The following KMT2C variants were observed in gnomAD, a reference collection of about 807,000 sequenced individuals.
KMT2C encodes the protein lysine methyltransferase 2C, also known as histone-lysine N-methyltransferase 2C.
KMT2C carries 88 observed loss-of-function variants against 507.9 expected under a neutral mutation model. That is an observed-to-expected ratio of 0.17 (90% CI 0.15 to 0.21). The LOEUF (loss-of-function observed/expected upper bound fraction) is 0.21, where lower values mean the gene tolerates loss of function less well. Among genes scored for constraint, KMT2C ranks in the 10% least tolerant of loss-of-function variants. The pLI is 1.00. For synonymous variants in KMT2C, 2,049 were observed against 2,080.8 expected, an observed-to-expected ratio of 0.98 and a Z score of 0.42; for missense variants, 4,954 against 5,957.8, an observed-to-expected ratio of 0.83 and a Z score of 5.55.
intron 6 of KMT2C, among the ~76,000 whole-genome samples, chr7:152,282,955 A>G (rs1474259687): frequency 6.6e-6 from 1 of 152,108 alleles, no homozygotes; most frequent in African/African-American, 2.4e-5. Flanking sequence ...TTCTCACATG[A>G]AATTCTATAT....
intron 2 of KMT2C, among the ~76,000 whole-genome samples, chr7:152,337,814 AT>A (rs1297218872): frequency 6.6e-6 from 1 of 151,632 alleles, no homozygotes; most frequent in Non-Finnish European, 1.5e-5. Context: ...TTCACACACT[AT>A]AGTCTATGGA....
chr7:152,379,557 A>C (rs2097354257), intron 1 of KMT2C, among the ~76,000 whole-genome samples: 2 of 150,998 alleles, frequency 1.3e-5, no homozygotes, highest in African/African-American at 2.4e-5. Flanking sequence ...AACAAACAAA[A>C]ATGGACAAAG....
chr7:152,409,340 G>A (rs59257544), intron 1 of KMT2C, among the ~76,000 whole-genome samples: 6 of 151,772 alleles, frequency 4.0e-5, no homozygotes, highest in East Asian at 3.9e-4. Flanking sequence ...TATTTGCTAC[G>A]TAATAGTTAT....
In KMT2C at chr7:152,176,303, T is replaced by C. The variant is rs190801251; in HGVS notation, c.9150A>G (p.Glu3050=). The change falls in exon 38 of 59, where the codon GAA becomes GAG. Residue 3050 remains glutamate, a synonymous_variant. Transcript: ENST00000262189. ...AAAGATCCTGTAGAAGTAGAGGCTG[T>C]TCTTCTAGAAGAAGGGGCCTCTCTC... The part of the protein sequence containing the change: ...QNRERPLLLE[E]QPLLLQDLLD... The C allele has an allele frequency of 8.7e-4, 1,412 of 1,614,146 alleles. 6 individuals carry two copies. The African/African-American group carries it at 0.016, about 19-fold the overall frequency.
chr7:152,367,867 A>AGG, intron 1 of KMT2C: 2 of 1,056,900 alleles, frequency 1.9e-6, no homozygotes, highest in Non-Finnish European at 3.0e-6. Context: ...CATGAACTTA[A>AGG]ACCATTGGAT....
chr7:152,175,540 T>G (rs981539994), intron 38 of KMT2C, among the ~76,000 whole-genome samples: 2 of 147,838 alleles, frequency 1.4e-5, no homozygotes, highest in Non-Finnish European at 3.0e-5. Flanking sequence ...ACTGTTCAAC[T>G]CCCACTTATG....
chr7:152,190,948 C>G (rs945814451), intron 31 of KMT2C, among the ~76,000 whole-genome samples: 2 of 152,202 alleles, frequency 1.3e-5, no homozygotes, highest in Non-Finnish European at 2.9e-5. Flanking sequence ...TCCTATACCT[C>G]TCACTCAATG....
At chr7:152,291,909 G>A (rs1029311160) in intron 6 of KMT2C, among the ~76,000 whole-genome samples, 17 of 152,086 alleles carry the variant, frequency 1.1e-4, no homozygotes, top group Non-Finnish European at 2.4e-4. Context: ...ATTAACTACT[G>A]TTGGTAATGG....
chr7:152,275,722 G>A (rs1256949260), intron 6 of KMT2C, among the ~76,000 whole-genome samples: 4 of 152,024 alleles, frequency 2.6e-5, no homozygotes, highest in Middle Eastern at 3.4e-3. Context: ...ACAACACCTC[G>A]GTAGTCTAAA....
At position 152,251,946 on chromosome 7, in the gene KMT2C, G is replaced by A; in HGVS notation, c.1614C>T (p.Leu538=). 6.3e-7 allele frequency: 1 copy of A among 1,597,806 alleles called. No homozygotes were observed. The highest frequency in any genetic ancestry group is 1.7e-4 in the Middle Eastern group (1 of 5,976). ...QPGEEVEIAE[L]TTDYNNEMEV... is the part of the protein sequence containing the mutation. ...AATCATTCTCAAATTTACCTGTAGT[G>A]AGCTCAGCTATCTCCACTTCCTCAC... The change falls in exon 11 of 59, where the codon CTC becomes CTT. Residue 538 remains leucine, a synonymous_variant. Coordinates refer to ENST00000262189, the MANE Select transcript of KMT2C (RefSeq NM_170606.3).
chr7:152,386,868 T>C (rs548120903), intron 1 of KMT2C, among the ~76,000 whole-genome samples: 1 of 152,304 alleles, frequency 6.6e-6, no homozygotes, highest in African/African-American at 2.4e-5. Flanking sequence ...GAACCAGCAC[T>C]GTCTTAATAC....
intron 2 of KMT2C, among the ~76,000 whole-genome samples, chr7:152,349,050 A>C (rs1203813266): frequency 2.0e-5 from 3 of 152,238 alleles, no homozygotes. Context: ...ACCAGGGTGC[A>C]AATAGAAATT....
In KMT2C at chr7:152,162,107, T is replaced by G; in HGVS notation, c.11460+10A>C. 1 of 1,523,126 alleles carries G rather than the reference T, an allele frequency of 6.6e-7. No individual in the cohort carries two copies. The highest frequency in any genetic ancestry group is 1.4e-5 in the South Asian group (1 of 73,620). The allele number at this position is 1,523,126 out of a possible 1,614,324, so 94.4% of individuals were successfully genotyped here. ...AGAAAAAAGTTGTCGTTTTTATGAT[T>G]TACACTTACCAGTCCTTCAGCTGGG... On this transcript the variant is annotated intron_variant, in intron 43 of 58. Coordinates refer to ENST00000262189, the MANE Select transcript of KMT2C (RefSeq NM_170606.3).
Position 152,193,298 on chromosome 7 carries a change from T to C in KMT2C, c.4660+711A>G, listed in dbSNP as rs893324833. Among the ~76,000 whole-genome samples the C allele has an allele frequency of 3.3e-4, 51 of 152,304 alleles. 1 individual carries two copies. The highest frequency in any genetic ancestry group is 1.5e-3 in the East Asian group (8 of 5,174). ...TATCTACTCATACAGACCTTAATCC[T>C]AGGCTATCAAATTTCAGCTCTACAG... On this transcript the variant is annotated intron_variant, in intron 31 of 58. Transcript: ENST00000262189.
chr7:152,136,148 G>A lies in KMT2C; in HGVS notation c.*684C>T, dbSNP rs2089857006. ...TTTCTTCTAACTTTATTTAAAAATA[G>A]CTTCATTCACTTATTCAATAATAAA... On this transcript the variant is annotated 3_prime_UTR_variant, in exon 59 of 59. Coordinates refer to ENST00000262189, the MANE Select transcript of KMT2C (RefSeq NM_170606.3). The A allele has an allele frequency of 4.8e-6, 1 of 208,004 alleles. No homozygotes were observed. Among genetic ancestry groups the A allele is most frequent in the African/African-American group, 2.3e-5 (1 of 43,988 alleles). The allele number at this position is 208,004 out of a possible 1,614,324, so 12.9% of individuals were successfully genotyped here.
chr7:152,212,588 T>A (rs1230305852), intron 23 of KMT2C, among the ~76,000 whole-genome samples: 1 of 151,642 alleles, frequency 6.6e-6, no homozygotes, highest in African/African-American at 2.4e-5. Flanking sequence ...TATACAAAAA[T>A]CAGATGCATT....
chr7:152,196,122 A>C (rs2093954502), intron 27 of KMT2C, 111 bp from the exon 28 acceptor site: 1 of 480,746 alleles, frequency 2.1e-6, no homozygotes, highest in Non-Finnish European at 3.6e-6. Flanking sequence ...ACTGGAATAA[A>C]AACCTGAGAC....
intron 23 of KMT2C, among the ~76,000 whole-genome samples, chr7:152,209,454 C>CAAAAA (rs71198766): frequency 9.9e-5 from 7 of 70,900 alleles, no homozygotes; most frequent in African/African-American, 2.4e-4. Flanking sequence ...GACTCCGTCT[C>CAAAAA]AAAAAAAAAA....
intron 23 of KMT2C, among the ~76,000 whole-genome samples, chr7:152,210,742 G>T (rs2094437003): frequency 6.6e-6 from 1 of 151,968 alleles, no homozygotes; most frequent in Non-Finnish European, 1.5e-5. Context: ...TCTTAAAAAA[G>T]ATTAAAATCC....
Sources: gnomAD v4.1 joint callset for allele counts (sites outside exome capture counted in the v4.1 genomes callset) on GRCh38, gnomAD v4.1.1 for gene constraint, MANE v1.5 for transcripts, NCBI Gene and HGNC (gene_info 2026-07-23, HGNC 2026-07-21) for gene names.